VPS41: variants seen among roughly 807,000 people sequenced by gnomAD.
VPS41 encodes the protein vacuolar protein sorting-associated protein 41 homolog.
VPS41 carries 85 observed loss-of-function variants against 130.9 expected under a neutral mutation model. That is an observed-to-expected ratio of 0.65 (90% CI 0.55 to 0.78). The LOEUF is 0.78. Ranked by LOEUF, VPS41 falls within the 30% of genes least tolerant of loss-of-function variation. VPS41 has a pLI of 0.00. For missense variants in VPS41, 874 were observed against 1,018.7 expected (o/e 0.86, Z 1.93); for synonymous variants, 335 against 332.9 (o/e 1.01, Z -0.07).
At chr7:38,770,910 C>T (rs1457753106) in intron 14 of VPS41, among the ~76,000 whole-genome samples, 4 of 152,068 alleles carry the variant, frequency 2.6e-5, no homozygotes, top group East Asian at 1.9e-4. Flanking sequence ...TTTTTACCTA[C>T]GATTTAGGGA....
chr7:38,857,486 C>T (rs1157204765), intron 4 of VPS41, among the ~76,000 whole-genome samples: 2 of 152,182 alleles, frequency 1.3e-5, no homozygotes, highest in Non-Finnish European at 2.9e-5. Flanking sequence ...AAACACATGG[C>T]ATAATGCTCC....
intron 4 of VPS41, among the ~76,000 whole-genome samples, chr7:38,843,893 G>A (rs1487030226): frequency 6.6e-6 from 1 of 152,026 alleles, no homozygotes; most frequent in Non-Finnish European, 1.5e-5. Flanking sequence ...GGCATGGCCG[G>A]GTTATGTTAC....
chr7:38,897,631 C>A (rs745681073), intron 2 of VPS41, among the ~76,000 whole-genome samples: 154 of 131,340 alleles, frequency 1.2e-3, no homozygotes, highest in Non-Finnish European at 2.7e-4. Flanking sequence ...GGCAACAGAG[C>A]GAGACTCCGT....
intron 4 of VPS41, among the ~76,000 whole-genome samples, chr7:38,861,928 C>G (rs1197392927): frequency 6.6e-6 from 1 of 152,152 alleles, no homozygotes; most frequent in Non-Finnish European, 1.5e-5. Flanking sequence ...AGCAGCAAAA[C>G]AGTCACATAA....
At chr7:38,789,495 C>A (rs907404510) in intron 10 of VPS41, among the ~76,000 whole-genome samples, 5 of 152,036 alleles carry the variant, frequency 3.3e-5, no homozygotes, top group African/African-American at 1.2e-4. Context: ...CAAGGAGAAG[C>A]TTGGCATAAG....
chr7:38,855,141 C>T (rs1445153006), intron 4 of VPS41, among the ~76,000 whole-genome samples: 4 of 133,340 alleles, frequency 3.0e-5, no homozygotes, highest in East Asian at 2.4e-4. Context: ...ACCTGGGCGG[C>T]GGAGGTTGCA....
chr7:38,789,943 T>C lies in VPS41; in HGVS notation c.718-76A>G, dbSNP rs558281301. On this transcript the variant is annotated intron_variant, in intron 9 of 28. Transcript: ENST00000310301. ...ATAACATTTTATTCAGTATATGGTA[T>C]CTTTGTTAAATTAACCTTGTAGCAC... 4 of 1,497,176 alleles carry C rather than the reference T, an allele frequency of 2.7e-6. No individual in the cohort carries two copies. The African/African-American group carries it at 5.6e-5, about 21-fold the overall frequency. The allele number at this position is 1,497,176 out of a possible 1,614,324, so 92.7% of individuals were successfully genotyped here. A position where few individuals can be genotyped will look rare whatever the true frequency, so the allele number is the denominator to read the frequency against.
rs768206103 is a variant in VPS41 at position 38,818,760 on chromosome 7, A to G, written c.385-878T>C. Among the ~76,000 whole-genome samples, 119 of 152,182 alleles carry G rather than the reference A, an allele frequency of 7.8e-4. 2 individuals are homozygous for G. The highest frequency in any genetic ancestry group is 2.2e-4 in the Non-Finnish European group (15 of 68,026). ...TAATTTTGTGTTTTTCTAATTTAAC[A>G]TAGAGAATTTTTTTTAGGTAAACAC... On this transcript the variant is annotated intron_variant, in intron 6 of 28. Transcript: ENST00000310301.
chr7:38,801,891 T>C lies in VPS41; in HGVS notation c.451-5027A>G, dbSNP rs186613859. 6.1e-3 allele frequency among the ~76,000 whole-genome samples: 929 copies of C among 152,344 alleles called. 5 individuals carry two copies. The highest frequency in any genetic ancestry group is 0.018 in the South Asian group (87 of 4,830). On this transcript the variant is annotated intron_variant, in intron 7 of 28. Coordinates refer to ENST00000310301, the MANE Select transcript of VPS41 (RefSeq NM_014396.4). Reference sequence around the variant, plus strand: ...TACACGATTTCCCAAAACGTTTCAGTTACTCAGCCTATCTTTACAGTTAGT... The same window carrying C: ...TACACGATTTCCCAAAACGTTTCAGCTACTCAGCCTATCTTTACAGTTAGT...
chr7:38,748,638 A>G (rs1297886499), intron 22 of VPS41, among the ~76,000 whole-genome samples: 1 of 151,576 alleles, frequency 6.6e-6, no homozygotes, highest in African/African-American at 2.4e-5. Context: ...GCACAAGCAA[A>G]TCAGATTTGC....
intron 7 of VPS41, among the ~76,000 whole-genome samples, chr7:38,800,129 C>G (rs1228795676): frequency 1.3e-5 from 2 of 152,090 alleles, no homozygotes; most frequent in Non-Finnish European, 1.5e-5. Flanking sequence ...TTTATAACAG[C>G]CAGAAATGGA....
At chr7:38,849,340 G>A (rs1785799408) in intron 4 of VPS41, among the ~76,000 whole-genome samples, 1 of 152,174 alleles carries the variant, frequency 6.6e-6, no homozygotes, top group Non-Finnish European at 1.5e-5. Context: ...TTAGCCTTCT[G>A]TAGGTGGCTT....
At chr7:38,757,503 G>A (rs1381852933) in intron 18 of VPS41, among the ~76,000 whole-genome samples, 1 of 152,096 alleles carries the variant, frequency 6.6e-6, no homozygotes, top group Admixed American at 6.5e-5. Context: ...CTGTACTGTT[G>A]GTCCATTACG....
rs551488421 is a variant in VPS41 at position 38,907,392 on chromosome 7, AG to A, written c.21+1761del. 4.9e-3 allele frequency among the ~76,000 whole-genome samples: 749 copies of A among 152,364 alleles called. 5 individuals are homozygous for A. The highest frequency in any genetic ancestry group is 0.017 in the African/African-American group (723 of 41,584). On this transcript the variant is annotated intron_variant, in intron 1 of 28. Transcript: ENST00000310301. ...AAATGAGGTCAAGAAAAGGTGGCTAAGGGCAGCTGGGTCAAGGTCCTGTGGG... is the reference window on the plus strand; with the variant it reads ...AAATGAGGTCAAGAAAAGGTGGCTAAGGCAGCTGGGTCAAGGTCCTGTGGG...
At chr7:38,807,712 C>G (rs773720461) in intron 7 of VPS41, among the ~76,000 whole-genome samples, 3 of 152,164 alleles carry the variant, frequency 2.0e-5, no homozygotes, top group African/African-American at 7.2e-5. Context: ...GTTTGTACCA[C>G]GACACCAACT....
chr7:38,903,345 C>A lies in VPS41; in HGVS notation c.22-5216G>T, dbSNP rs1309700842. The stretch of plus-strand genomic sequence containing the variant: ...GAGTGGTGAAAAGGAAGACTGTCAG[C>A]CCAGGACAGAGAGGATCCAGGACTT... On this transcript the variant is annotated intron_variant, in intron 1 of 28. Coordinates refer to ENST00000310301, the MANE Select transcript of VPS41 (RefSeq NM_014396.4). Among the ~76,000 whole-genome samples, 3 of 152,170 alleles carry A rather than the reference C, an allele frequency of 2.0e-5. No individual in the cohort carries two copies. The South Asian group carries it at 6.2e-4, about 32-fold the overall frequency.
At chr7:38,777,115 A>G (rs2392600) in intron 10 of VPS41, among the ~76,000 whole-genome samples, 97,915 of 152,074 alleles carry the variant, frequency 0.64, 32,877 homozygotes, top group East Asian at 0.88. Context: ...AAAAAGAAAT[A>G]TAAACCATTA....
chr7:38,886,224 C>T (rs947183341), intron 2 of VPS41, among the ~76,000 whole-genome samples: 14 of 152,072 alleles, frequency 9.2e-5, no homozygotes, highest in Non-Finnish European at 1.6e-4. Context: ...CAAAAGGGGT[C>T]GGGGGATTTC....
chr7:38,833,482 G>A (rs1785433689), intron 4 of VPS41, among the ~76,000 whole-genome samples: 1 of 152,110 alleles, frequency 6.6e-6, no homozygotes, highest in Non-Finnish European at 1.5e-5. Flanking sequence ...CTCCAGTCCT[G>A]ATGACCTTTT....
Sources: gnomAD v4.1 joint callset for allele counts (sites outside exome capture counted in the v4.1 genomes callset) on GRCh38, gnomAD v4.1.1 for gene constraint, MANE v1.5 for transcripts, NCBI Gene and HGNC (gene_info 2026-07-23, HGNC 2026-07-21) for gene names.